Variants in PTPRM observed in about 807,000 individuals in gnomAD.
PTPRM encodes protein tyrosine phosphatase receptor type M.
Under a neutral mutation model 186.7 loss-of-function variants are expected in PTPRM, and 47 were observed. The ratio of observed to expected loss-of-function variants is 0.25; its 90% CI spans 0.20 to 0.32. PTPRM has a LOEUF of 0.32. PTPRM is among the 10% of genes least tolerant of loss of function. The pLI, the probability that PTPRM is intolerant of heterozygous loss-of-function variation, is 1.00. For synonymous variants in PTPRM, 668 were observed against 674.9 expected (o/e 0.99, Z 0.16); for missense variants, 1,494 against 1,865.0 (o/e 0.80, Z 3.66).
intron 1 of PTPRM, among the ~76,000 whole-genome samples, chr18:7,712,017 G>A (rs373087537): frequency 5.3e-5 from 8 of 152,128 alleles, no homozygotes; most frequent in African/African-American, 1.9e-4. Context: ...GTGTAAGGGA[G>A]CTCCGCTAAG....
At chr18:8,221,890 A>G (rs2094157418) in intron 14 of PTPRM, among the ~76,000 whole-genome samples, 1 of 152,220 alleles carries the variant, frequency 6.6e-6, no homozygotes. Flanking sequence ...AAGGTGGCCA[A>G]CTGCTCAAAC....
rs892433387 is a variant in PTPRM at position 7,683,112 on chromosome 18, C to A, written c.74-91037C>A. Among the ~76,000 whole-genome samples, 48 of 151,332 alleles carry A rather than the reference C, an allele frequency of 3.2e-4. 1 individual carries two copies. The highest frequency in any genetic ancestry group is 1.3e-4 in the Admixed American group (2 of 15,200). Reference sequence around the variant, plus strand: ...ACAGTCTCATGTCAGGCTTGCCATGCACATTTAATGACGACTGCCCATGAA... The same window carrying A: ...ACAGTCTCATGTCAGGCTTGCCATGAACATTTAATGACGACTGCCCATGAA... On this transcript the variant is annotated intron_variant, in intron 1 of 32. Coordinates refer to ENST00000580170, the MANE Select transcript of PTPRM (RefSeq NM_001105244.2).
At chr18:7,782,267 G>A (rs959414871) in intron 2 of PTPRM, among the ~76,000 whole-genome samples, 27 of 152,016 alleles carry the variant, frequency 1.8e-4, no homozygotes, top group African/African-American at 5.8e-4. Context: ...GGTGTGTGAG[G>A]GAGGGTTCTT....
At chr18:7,704,089 G>A (rs1055063867) in intron 1 of PTPRM, among the ~76,000 whole-genome samples, 2 of 152,134 alleles carry the variant, frequency 1.3e-5, no homozygotes, top group African/African-American at 4.8e-5. Context: ...ATTTTATTGA[G>A]GATTTTCGCA....
intron 2 of PTPRM, among the ~76,000 whole-genome samples, chr18:7,778,796 C>A (rs2042715893): frequency 6.6e-6 from 1 of 152,114 alleles, no homozygotes; most frequent in South Asian, 2.1e-4. Flanking sequence ...GGGGAAATTT[C>A]TTGAACTTTA....
At chr18:8,383,499 G>A (rs191577411) in intron 29 of PTPRM, among the ~76,000 whole-genome samples, 51 of 151,958 alleles carry the variant, frequency 3.4e-4, no homozygotes, top group Non-Finnish European at 1.5e-5. Context: ...AATTTTGTGG[G>A]GTGCTGGCTA....
chr18:7,699,046 T>C (rs1412706214), intron 1 of PTPRM, among the ~76,000 whole-genome samples: 1 of 152,168 alleles, frequency 6.6e-6, no homozygotes, highest in East Asian at 1.9e-4. Context: ...AGCATTACTG[T>C]CTGAGCTCCG....
At position 8,174,438 on chromosome 18, in the gene PTPRM, A is replaced by G. The variant is rs184476246; in HGVS notation, c.2300+30659A>G. ...TATAATTTTTGCAAAGGCAGTTTAA[A>G]ACCAAAAGATCAGAGCAAAGACATA... is the stretch of plus-strand genomic sequence containing the variant. On this transcript the variant is annotated intron_variant, in intron 14 of 32. Coordinates refer to ENST00000580170, the MANE Select transcript of PTPRM (RefSeq NM_001105244.2). Among the ~76,000 whole-genome samples, 5 of 152,328 alleles carry G rather than the reference A, an allele frequency of 3.3e-5. No homozygotes were observed. The East Asian group carries it at 7.7e-4, about 23-fold the overall frequency.
At chr18:7,918,455 A>G (rs147325341) in intron 4 of PTPRM, among the ~76,000 whole-genome samples, 240 of 152,228 alleles carry the variant, frequency 1.6e-3, no homozygotes, top group African/African-American at 5.3e-3. Flanking sequence ...GTGATAGCTC[A>G]TTTTTGTTTT....
At chr18:8,253,470 G>C in intron 19 of PTPRM, 56 bp downstream of exon 19, 1 of 1,346,194 alleles carries the variant, frequency 7.4e-7, no homozygotes, top group Non-Finnish European at 9.6e-7. Context: ...TCCATGCCAG[G>C]TACTGTGCTC....
At chr18:8,096,651 C>T (rs932579996) in intron 11 of PTPRM, among the ~76,000 whole-genome samples, 5 of 152,164 alleles carry the variant, frequency 3.3e-5, no homozygotes, top group African/African-American at 9.7e-5. Flanking sequence ...TATTACTTTA[C>T]GAATTGTAAA....
chr18:7,729,400 A>G (rs931850593), intron 1 of PTPRM, among the ~76,000 whole-genome samples: 1 of 152,214 alleles, frequency 6.6e-6, no homozygotes, highest in Non-Finnish European at 1.5e-5. Context: ...TCTTCTCAAG[A>G]TAGATTATAC....
intron 14 of PTPRM, among the ~76,000 whole-genome samples, chr18:8,212,604 A>G (rs1455993968): frequency 6.6e-6 from 1 of 152,164 alleles, no homozygotes; most frequent in Non-Finnish European, 1.5e-5. Context: ...CAAAAGTCAG[A>G]GACCAACCTG....
intron 1 of PTPRM, among the ~76,000 whole-genome samples, chr18:7,623,543 T>C (rs1000378903): frequency 1.3e-5 from 2 of 152,204 alleles, no homozygotes; most frequent in Admixed American, 1.3e-4. Flanking sequence ...GAAATAGTCT[T>C]AGAAAATATG....
At chr18:8,119,058 AAAC>A (rs1393022315) in intron 13 of PTPRM, among the ~76,000 whole-genome samples, 1 of 152,034 alleles carries the variant, frequency 6.6e-6, no homozygotes, top group Admixed American at 6.6e-5. Context: ...AACAAAAAGA[AAAC>A]AAAGCATTTT....
chr18:7,799,255 C>A (rs2043828809), intron 2 of PTPRM, among the ~76,000 whole-genome samples: 1 of 152,152 alleles, frequency 6.6e-6, no homozygotes, highest in South Asian at 2.1e-4. Flanking sequence ...AGATGGAGCT[C>A]TCTGAAGCTT....
chr18:8,298,175 C>G (rs1013126516), intron 20 of PTPRM, among the ~76,000 whole-genome samples: 3 of 152,170 alleles, frequency 2.0e-5, no homozygotes, highest in African/African-American at 7.2e-5. Context: ...CTTGGTCTAT[C>G]TAGACTCTTC....
In PTPRM at chr18:8,161,756, C is replaced by T. The variant is rs141189888; in HGVS notation, c.2300+17977C>T. Among the ~76,000 whole-genome samples the T allele has an allele frequency of 1.8e-3, 275 of 152,262 alleles. 1 individual carries two copies. The highest frequency in any genetic ancestry group is 6.3e-3 in the African/African-American group (262 of 41,562). ...AAAGGACAACGGATCATTTCCTGGT[C>T]GTGCTACCCCTTTACCCACGTGCTC... is the stretch of plus-strand genomic sequence containing the variant. On this transcript the variant is annotated intron_variant, in intron 14 of 32. Coordinates refer to ENST00000580170, the MANE Select transcript of PTPRM (RefSeq NM_001105244.2).
chr18:8,236,905 T>C (rs1329310603), intron 14 of PTPRM, among the ~76,000 whole-genome samples: 1 of 152,216 alleles, frequency 6.6e-6, no homozygotes, highest in East Asian at 1.9e-4. Context: ...ATATCTTTTT[T>C]TATTACTGTT....
Sources: gnomAD v4.1 joint callset for allele counts (sites outside exome capture counted in the v4.1 genomes callset) on GRCh38, gnomAD v4.1.1 for gene constraint, MANE v1.5 for transcripts, NCBI Gene and HGNC (gene_info 2026-07-23, HGNC 2026-07-21) for gene names.